CIAO3: variants seen among roughly 807,000 people sequenced by gnomAD.
CIAO3 encodes cytosolic iron-sulfur assembly component 3.
Under a neutral mutation model 51.5 loss-of-function variants are expected in CIAO3, and 45 were observed. The observed-to-expected ratio is 0.87, with a 90% CI of 0.69 to 1.12. The LOEUF is 1.12. Among genes scored for constraint, CIAO3 ranks in the 50% most tolerant of loss-of-function variants. CIAO3 has a pLI of 0.00. For missense variants in CIAO3, 668 were observed against 632.5 expected (o/e 1.06, Z -0.60); for synonymous variants, 314 against 269.3 (o/e 1.17, Z -1.63).
chr16:730,836 G>C lies in CIAO3; in HGVS notation c.1192+7C>G. 1 of 1,612,380 alleles carries C rather than the reference G, an allele frequency of 6.2e-7. No individual in the cohort carries two copies. Among genetic ancestry groups the C allele is most frequent in the East Asian group, 2.2e-5 (1 of 44,886 alleles). On this transcript the variant is annotated splice_region_variant and intron_variant, in intron 10 of 10. Coordinates refer to ENST00000251588, the MANE Select transcript of CIAO3 (RefSeq NM_022493.3). ...GGTCCTCGTGTCCTGTCCCTTGCAG[G>C]AGCTACCTGAGGGGCAGGCCATGAC...
rs1000322096 is a variant in CIAO3 at position 734,248 on chromosome 16, T to C, written c.674A>G (p.Asp225Gly). Reference sequence around the variant, plus strand: ...CGTTACCTGCTGCTGGGCGAAGAAGTCCTTGACCAGGGAGCCCATGACCTG... The same window carrying C: ...CGTTACCTGCTGCTGGGCGAAGAAGCCCTTGACCAGGGAGCCCATGACCTG... Reference protein sequence around the residue: ...PQQVMGSLVKDFFAQQQHLTP... With the variant: ...PQQVMGSLVKGFFAQQQHLTP... Residue 225 changes from aspartate (D) to glycine (G), a missense_variant, in exon 6 of 11, where the codon GAC becomes GGC. Asp to Gly is a moderately conservative substitution (Grantham distance 94). Transcript: ENST00000251588. 4 of 1,611,760 alleles carry C rather than the reference T, an allele frequency of 2.5e-6. No homozygotes were observed. Among genetic ancestry groups the C allele is most frequent in the Non-Finnish European group, 3.4e-6 (4 of 1,179,914 alleles).
chr16:737,381 G>T lies in CIAO3; in HGVS notation c.163-52C>A, dbSNP rs763775811. ...AGGGGCCCCCTCTGCACGAGGACAT[G>T]GAGACAGAGGATAGTGGAGTCCAGC... On this transcript the variant is annotated intron_variant, in intron 2 of 10. Coordinates refer to ENST00000251588, the MANE Select transcript of CIAO3 (RefSeq NM_022493.3). The surrounding 1 kb of genome is among the most constrained non-coding windows in gnomAD (Gnocchi z 5.3). 6.2e-7 allele frequency: 1 copy of T among 1,607,918 alleles called. No individual in the cohort carries two copies. The highest frequency in any genetic ancestry group is 1.3e-5 in the African/African-American group (1 of 74,926).
intron 8 of CIAO3, 24 bp downstream of exon 8, chr16:732,277 G>A (rs370841726): frequency 6.3e-7 from 1 of 1,594,484 alleles, no homozygotes; most frequent in Non-Finnish European, 8.6e-7. Flanking sequence ...TAAAATAACA[G>A]TTCTTGGTGG....
rs1056069216 is a variant in CIAO3 at position 730,046 on chromosome 16, C to T, written c.*371G>A. ...CCTCCAGAAGTCAGGGGTGAGAACC[C>T]GTCTTGCTCTGCCTCAGGCAACCCC... On this transcript the variant is annotated 3_prime_UTR_variant, in exon 11 of 11. Transcript: ENST00000251588. 3.9e-5 allele frequency: 15 copies of T among 381,062 alleles called. No individual in the cohort carries two copies. The highest frequency in any genetic ancestry group is 7.3e-5 in the Non-Finnish European group (15 of 206,276). 23.6% of individuals were successfully genotyped at this position (381,062 alleles called of 1,614,324 possible).
At chr16:731,361 C>T (rs963545296) in intron 9 of CIAO3, 28 of 698,066 alleles carry the variant, frequency 4.0e-5, no homozygotes, top group Non-Finnish European at 5.2e-5. Context: ...CACAATGGGC[C>T]GACTGAGGCC....
At chr16:731,042 C>A (rs765861605) in intron 9 of CIAO3, 42 bp from the exon 10 acceptor site, 1 of 1,606,230 alleles carries the variant, frequency 6.2e-7, no homozygotes, top group Admixed American at 1.7e-5. Flanking sequence ...GCACACCCAC[C>A]AGGCTCCTGC....
rs757119553 is a variant in CIAO3 at position 730,671 on chromosome 16, C to A, written c.1193-16G>T. The A allele has an allele frequency of 6.2e-7, 1 of 1,604,952 alleles. No individual in the cohort carries two copies. Among genetic ancestry groups the A allele is most frequent in the Admixed American group, 1.7e-5 (1 of 59,948 alleles). Reference sequence around the variant, plus strand: ...TTCAGGCAGCCTATGGGAGAGCAGACGGGACAGGGGTCACAGCCTGCGCCC... The same window carrying A: ...TTCAGGCAGCCTATGGGAGAGCAGAAGGGACAGGGGTCACAGCCTGCGCCC... On this transcript the variant is annotated splice_polypyrimidine_tract_variant and intron_variant, in intron 10 of 10. Transcript: ENST00000251588.
In CIAO3 at chr16:732,347, C is replaced by T; in HGVS notation, c.850G>A (p.Glu284Lys). 1 of 1,612,992 alleles carries T rather than the reference C, an allele frequency of 6.2e-7. No individual in the cohort carries two copies. The highest frequency in any genetic ancestry group is 8.5e-7 in the Non-Finnish European group (1 of 1,179,904). ...TGEVFRLLEE[E>K]GVSLPDLEPA... ...TCCAGGTCGGGGAGGGAGACGCCCT[C>T]TTCCTCCAGCAACCTGAAAACTTCT... Residue 284 changes from glutamate to lysine, a missense_variant, in exon 8 of 11, where the codon GAG (glutamate) becomes AAG (lysine). Physicochemically the swap from Glu to Lys is moderately conservative, Grantham distance 56. Transcript: ENST00000251588.
chr16:736,507 C>G (rs1567345586), intron 3 of CIAO3, 109 bp from the exon 4 acceptor site: 1 of 1,351,980 alleles, frequency 7.4e-7, no homozygotes, highest in Non-Finnish European at 1.0e-6. Flanking sequence ...CAGGCCAGCT[C>G]CATCAAGAGT....
rs2151604874 is a variant in CIAO3 at position 739,707 on chromosome 16, C to T, written c.98G>A (p.Arg33Lys). ...ECIKPVKVEK[R>K]AGSGVAKIRI... ...AATCTTGGCCACGCCACTTCCCGCC[C>T]TTTTTTCCACTTTGACAGGCTTGAT... is the stretch of plus-strand genomic sequence containing the variant. Residue 33 changes from arginine (R) to lysine (K), a missense_variant, in exon 2 of 11, where the codon AGG becomes AAG. Coordinates refer to ENST00000251588, the MANE Select transcript of CIAO3 (RefSeq NM_022493.3). The T allele has an allele frequency of 1.9e-6, 3 of 1,614,100 alleles. No homozygotes were observed. The highest frequency in any genetic ancestry group is 2.2e-5 in the South Asian group (2 of 91,086).
Position 730,471 on chromosome 16 carries a change from A to G in CIAO3, c.1377T>C (p.His459=). 1 of 1,608,034 alleles carries G rather than the reference A, an allele frequency of 6.2e-7. No homozygotes were observed. The highest frequency in any genetic ancestry group is 2.2e-5 in the East Asian group (1 of 44,884). The stretch of plus-strand genomic sequence containing the variant: ...CCTTCTCCACGGCGTGGTACTGCGT[A>G]TGCAGCAAGCGACCTGCACACTCCG... ...TDSECAGRLL[H]TQYHAVEKAS... The change falls in exon 11 of 11, where the codon CAT becomes CAC. Residue 459 remains histidine (H), a synonymous_variant. Transcript: ENST00000251588.
chr16:736,485 C>T lies in CIAO3; in HGVS notation c.307-87G>A, dbSNP rs1288760095. 3.9e-6 allele frequency: 6 copies of T among 1,548,318 alleles called. No homozygotes were observed. In the East Asian group the frequency reaches 1.1e-4, roughly 29 times the overall value. The stretch of plus-strand genomic sequence containing the variant: ...GAGCCGCACGGTGAGATGCTGTCAG[C>T]TGTGGAGAGGGCAGGCCAGCTCCAT... On this transcript the variant is annotated intron_variant, in intron 3 of 10. Coordinates refer to ENST00000251588, the MANE Select transcript of CIAO3 (RefSeq NM_022493.3).
Position 737,895 on chromosome 16 carries a change from T to G in CIAO3, c.163-566A>C. ...ACATGCCTCAGCAACTTTTCTTACATGCAAAACGCACCCAGCTCGAGCTCC... is the reference window on the plus strand; with the variant it reads ...ACATGCCTCAGCAACTTTTCTTACAGGCAAAACGCACCCAGCTCGAGCTCC... On this transcript the variant is annotated intron_variant, in intron 2 of 10. Coordinates refer to ENST00000251588, the MANE Select transcript of CIAO3 (RefSeq NM_022493.3). The surrounding 1 kb of genome is among the most constrained non-coding windows in gnomAD (Gnocchi z 5.3). 14 of 1,180,470 alleles carry G rather than the reference T, an allele frequency of 1.2e-5. No individual in the cohort carries two copies. Among genetic ancestry groups the G allele is most frequent in the Non-Finnish European group, 1.4e-5 (13 of 937,576 alleles). The allele number at this position is 1,180,470 out of a possible 1,614,324, so 73.1% of individuals were successfully genotyped here.
Position 734,730 on chromosome 16 carries a change from A to G in CIAO3, c.574+7T>C, listed in dbSNP as rs2041320726. 1 of 1,612,618 alleles carries G rather than the reference A, an allele frequency of 6.2e-7. No individual in the cohort carries two copies. Among genetic ancestry groups the G allele is most frequent in the South Asian group, 1.1e-5 (1 of 91,090 alleles). On this transcript the variant is annotated splice_region_variant and intron_variant, in intron 5 of 10. Coordinates refer to ENST00000251588, the MANE Select transcript of CIAO3 (RefSeq NM_022493.3). ...TGACTCTCCCACCACCCGCACCATG[A>G]GCACACCTGGGCAGGCAGAGGCCAG...
In CIAO3 at chr16:736,143, T is replaced by C. The variant is rs2041334678; in HGVS notation, c.439+123A>G. 8 of 1,281,658 alleles carry C rather than the reference T, an allele frequency of 6.2e-6. No individual in the cohort carries two copies. The Admixed American group carries it at 1.7e-4, about 27-fold the overall frequency. 79.4% of individuals were successfully genotyped at this position (1,281,658 alleles called of 1,614,324 possible). A position where few individuals can be genotyped will look rare whatever the true frequency, so the allele number is the denominator to read the frequency against. On this transcript the variant is annotated intron_variant, in intron 4 of 10. Coordinates refer to ENST00000251588, the MANE Select transcript of CIAO3 (RefSeq NM_022493.3). ...GCTGAGGTCACAGAGGGAATAAAGTTTCTGTAGCGCTGAAGTTCAGGGCTG... is the reference window on the plus strand; with the variant it reads ...GCTGAGGTCACAGAGGGAATAAAGTCTCTGTAGCGCTGAAGTTCAGGGCTG...
At chr16:733,773 A>C in intron 6 of CIAO3, 1 of 381,240 alleles carries the variant, frequency 2.6e-6, no homozygotes, top group Non-Finnish European at 5.0e-6. Flanking sequence ...CCGGGTGAAA[A>C]TCCGCGTGCA....
intron 2 of CIAO3, 79 bp downstream of exon 2, chr16:739,564 C>T: frequency 7.1e-7 from 1 of 1,412,098 alleles, no homozygotes; most frequent in East Asian, 2.3e-5. Context: ...GGTCACCGCT[C>T]TGTGACGGGA....
chr16:731,396 CCT>C, intron 9 of CIAO3, 167 bp downstream of exon 9: 1 of 984,890 alleles, frequency 1.0e-6, no homozygotes, highest in Non-Finnish European at 1.4e-6. Flanking sequence ...GCCTTCACAC[CCT>C]GAGCCCGCCA....
rs2041354933 is a variant in CIAO3 at position 737,819 on chromosome 16, G to C, written c.163-490C>G. 1 of 1,192,854 alleles carries C rather than the reference G, an allele frequency of 8.4e-7. No homozygotes were observed. The allele number at this position is 1,192,854 out of a possible 1,614,324, so 73.9% of individuals were successfully genotyped here. A position where few individuals can be genotyped will look rare whatever the true frequency, so the allele number is the denominator to read the frequency against. On this transcript the variant is annotated intron_variant, in intron 2 of 10. Transcript: ENST00000251588. This position sits in a 1 kb window ranked among gnomAD's most constrained non-coding sequence, Gnocchi z 5.3. ...GTGGGCGGGGCAGAAACAACCGTCA[G>C]ACTCGCCAAACAGATGCAGGAACAA...
Sources: gnomAD v4.1 joint callset for allele counts on GRCh38, gnomAD v4.1.1 for gene constraint, Gnocchi (gnomAD v3.1) non-coding constraint, MANE v1.5 for transcripts, NCBI Gene and HGNC (gene_info 2026-07-23, HGNC 2026-07-21) for gene names.